The following ZNF843 variants were observed in gnomAD, a reference collection of about 807,000 sequenced individuals.
ZNF843 encodes the protein zinc finger protein 843.
For synonymous variants in ZNF843, 185 were observed against 207.7 expected, an observed-to-expected ratio of 0.89 and a Z score of 0.94; for missense variants, 482 against 469.4, an observed-to-expected ratio of 1.03 and a Z score of -0.25.
At chr16:31,441,667 TTAGTG>T (rs1597182097) in intron 1 of ZNF843, among the ~76,000 whole-genome samples, 1 of 151,556 alleles carries the variant, frequency 6.6e-6, no homozygotes, top group Admixed American at 6.6e-5. Context: ...TTTTAAATAA[TTAGTG>T]TAGACAGGAT....
At chr16:31,437,791 A>T (rs977700337) in intron 1 of ZNF843, among the ~76,000 whole-genome samples, 5 of 149,694 alleles carry the variant, frequency 3.3e-5, no homozygotes, top group African/African-American at 4.9e-5. Context: ...TTGCCGGCTA[A>T]TTTTTTTTTG....
intron 1 of ZNF843, among the ~76,000 whole-genome samples, chr16:31,442,175 A>G (rs113634117): frequency 0.23 from 34,669 of 152,208 alleles, 4,302 homozygotes; most frequent in South Asian, 0.33. Context: ...CCTCCTGATA[A>G]CACCGACGTG....
chr16:31,435,621 A>G lies in ZNF843; in HGVS notation c.*182T>C. The G allele has an allele frequency of 1.8e-6, 1 of 571,184 alleles. No homozygotes were observed. The highest frequency in any genetic ancestry group is 2.8e-6 in the Non-Finnish European group (1 of 351,562). The allele number at this position is 571,184 out of a possible 1,614,324, so 35.4% of individuals were successfully genotyped here. Reference sequence around the variant, plus strand: ...GCCTAAATCCCTTAATGTATAAGGGAAAGGAGCGAGAATTCAGGGGAAAAA... The same window carrying G: ...GCCTAAATCCCTTAATGTATAAGGGGAAGGAGCGAGAATTCAGGGGAAAAA... On this transcript the variant is annotated 3_prime_UTR_variant, in exon 2 of 2. Coordinates refer to ENST00000315678, the MANE Select transcript of ZNF843 (RefSeq NM_001136509.3).
In ZNF843 at chr16:31,437,031, G is replaced by T; in HGVS notation, c.-182C>A. 1 of 601,844 alleles carries T rather than the reference G, an allele frequency of 1.7e-6. No individual in the cohort carries two copies. The highest frequency in any genetic ancestry group is 3.0e-6 in the Non-Finnish European group (1 of 336,570). The allele number at this position is 601,844 out of a possible 1,614,324, so 37.3% of individuals were successfully genotyped here. A position where few individuals can be genotyped will look rare whatever the true frequency, so the allele number is the denominator to read the frequency against. ...GGAGAGTTCTCTAATGTAAGACGCT[G>T]GGCAATGTCATCTGAAGGTGTTTCT... On this transcript the variant is annotated 5_prime_UTR_variant, in exon 2 of 2. Coordinates refer to ENST00000315678, the MANE Select transcript of ZNF843 (RefSeq NM_001136509.3).
intron 1 of ZNF843, among the ~76,000 whole-genome samples, chr16:31,442,427 T>G (rs188103018): frequency 0.019 from 2,934 of 152,198 alleles, 94 homozygotes; most frequent in African/African-American, 0.067. Context: ...TTCAAGCGAT[T>G]CTCCTGCCTC....
At chr16:31,442,459 C>T (rs1272834420) in intron 1 of ZNF843, among the ~76,000 whole-genome samples, 177 bp downstream of exon 1, 2 of 152,084 alleles carry the variant, frequency 1.3e-5, no homozygotes, top group African/African-American at 2.4e-5. Context: ...TAGCTGGGAC[C>T]ACAGGCGTCC....
chr16:31,439,089 A>AT (rs2082193010), intron 1 of ZNF843, among the ~76,000 whole-genome samples: 1 of 152,114 alleles, frequency 6.6e-6, no homozygotes, highest in Admixed American at 6.5e-5. Flanking sequence ...AACATGGCAC[A>AT]TGTATACATA....
rs990888683 is a variant in ZNF843, at chr16:31,435,733, A to C, written c.*70T>G. 2.9e-6 allele frequency: 4 copies of C among 1,385,974 alleles called. No individual in the cohort carries two copies. The highest frequency in any genetic ancestry group is 3.8e-6 in the Non-Finnish European group (4 of 1,052,050). The allele number at this position is 1,385,974 out of a possible 1,614,324, so 85.9% of individuals were successfully genotyped here. A position where few individuals can be genotyped will look rare whatever the true frequency, so the allele number is the denominator to read the frequency against. Reference sequence around the variant, plus strand: ...GAGCGGGTCTGTGTGGAGGGAGGGGACTGCATCTCAGATCCACAGTCCACC... The same window carrying C: ...GAGCGGGTCTGTGTGGAGGGAGGGGCCTGCATCTCAGATCCACAGTCCACC... On this transcript the variant is annotated 3_prime_UTR_variant, in exon 2 of 2. Transcript: ENST00000315678.
intron 1 of ZNF843, among the ~76,000 whole-genome samples, chr16:31,438,388 A>G (rs2082190516): frequency 6.6e-6 from 1 of 152,218 alleles, no homozygotes; most frequent in Admixed American, 6.5e-5. Flanking sequence ...AAAGTAGCCA[A>G]GAGTAGAGTT....
chr16:31,438,174 C>T (rs2082189870), intron 1 of ZNF843, among the ~76,000 whole-genome samples: 1 of 152,104 alleles, frequency 6.6e-6, no homozygotes, highest in Non-Finnish European at 1.5e-5. Flanking sequence ...TGGTAAGGAT[C>T]ATTTCCTCAT....
In ZNF843 at chr16:31,435,755, C is replaced by A; in HGVS notation, c.*48G>T. 1 of 1,433,488 alleles carries A rather than the reference C, an allele frequency of 7.0e-7. No homozygotes were observed. The highest frequency in any genetic ancestry group is 1.5e-5 in the South Asian group (1 of 66,292). 88.8% of individuals were successfully genotyped at this position (1,433,488 alleles called of 1,614,324 possible). On this transcript the variant is annotated 3_prime_UTR_variant, in exon 2 of 2. Transcript: ENST00000315678. ...GGGACTGCATCTCAGATCCACAGTC[C>A]ACCGGCGGCTGCAACAATTCCACCC...
chr16:31,436,216 A>G lies in ZNF843; in HGVS notation c.634T>C (p.Ser212Pro). Residue 212 changes from serine (S) to proline (P), a missense_variant, in exon 2 of 2, where the codon TCC becomes CCC. By Grantham distance (74) the Ser-to-Pro change is moderately conservative (BLOSUM62 -1). Coordinates refer to ENST00000315678, the MANE Select transcript of ZNF843 (RefSeq NM_001136509.3). ...AAGGGAGGTCGGGGCAGGAGTGTGG[A>G]TGGGGGCAGATGTTGAAGGAAGGAC... ...PGSFLQHLPPSTLLPRPPFLY... is the reference protein window; with the variant it reads ...PGSFLQHLPPPTLLPRPPFLY... 1 of 1,537,192 alleles carries G rather than the reference A, an allele frequency of 6.5e-7. No homozygotes were observed. The highest frequency in any genetic ancestry group is 8.8e-7 in the Non-Finnish European group (1 of 1,139,398).
chr16:31,442,943 C>G (rs895248646), upstream of ZNF843: 1 of 152,480 alleles, frequency 6.6e-6, no homozygotes, highest in Non-Finnish European at 1.5e-5. Flanking sequence ...CGCTCCGTAT[C>G]CAGCCCGCCC....
At chr16:31,439,549 A>G (rs79411291) in intron 1 of ZNF843, among the ~76,000 whole-genome samples, 4,809 of 152,348 alleles carry the variant, frequency 0.032, 109 homozygotes, top group Middle Eastern at 0.048. Flanking sequence ...ACAGAATACT[A>G]GCAACAAAGA....
At position 31,437,047 on chromosome 16, in the gene ZNF843, A is replaced by C. The variant is rs780577679; in HGVS notation, c.-198T>G. On this transcript the variant is annotated 5_prime_UTR_variant, in exon 2 of 2. Transcript: ENST00000315678. Reference sequence around the variant, plus strand: ...TAAGACGCTGGGCAATGTCATCTGAAGGTGTTTCTTGAGGCTCTCGGGCAT... The same window carrying C: ...TAAGACGCTGGGCAATGTCATCTGACGGTGTTTCTTGAGGCTCTCGGGCAT... 40 of 581,672 alleles carry C rather than the reference A, an allele frequency of 6.9e-5. No individual in the cohort carries two copies. The highest frequency in any genetic ancestry group is 1.1e-4 in the Non-Finnish European group (36 of 323,772). The allele number at this position is 581,672 out of a possible 1,614,324, so 36.0% of individuals were successfully genotyped here.
At chr16:31,438,608 T>C (rs1213339629) in intron 1 of ZNF843, among the ~76,000 whole-genome samples, 1 of 152,126 alleles carries the variant, frequency 6.6e-6, no homozygotes, top group Non-Finnish European at 1.5e-5. Flanking sequence ...TCTCAGCGGA[T>C]ACTTGGCTCT....
In ZNF843 at chr16:31,436,142, GCC is replaced by G; in HGVS notation, c.706_707del (p.Gly236ProfsTer54). The G allele has an allele frequency of 6.5e-7, 1 of 1,548,008 alleles. No homozygotes were observed. The highest frequency in any genetic ancestry group is 8.7e-7 in the Non-Finnish European group (1 of 1,145,286). ...PLSLQPLVPS[G>X]LPAVPAVPLG... is the part of the protein sequence containing the mutation. The stretch of plus-strand genomic sequence containing the variant: ...GAGGCACTGCAGGCACTGCGGGAAG[GCC>G]GGATGGAACCAGAGGCTGGAGACTG... On this transcript the variant is annotated frameshift_variant, in exon 2 of 2. Transcript: ENST00000315678. LOFTEE classifies it low-confidence loss of function (END_TRUNC).
At position 31,436,144 on chromosome 16, in the gene ZNF843, CG is replaced by C. The variant is rs765076360; in HGVS notation, c.705del (p.Gly236AlafsTer179). On this transcript the variant is annotated frameshift_variant, in exon 2 of 2. Transcript: ENST00000315678. LOFTEE classifies it low-confidence loss of function (END_TRUNC). ...PPLSLQPLVP[S>X]GLPAVPAVPL... ...GGCACTGCAGGCACTGCGGGAAGGC[CG>C]GATGGAACCAGAGGCTGGAGACTGA... 14 of 1,547,102 alleles carry C rather than the reference CG, an allele frequency of 9.0e-6. No individual in the cohort carries two copies. The highest frequency in any genetic ancestry group is 1.2e-5 in the Non-Finnish European group (14 of 1,144,852).
rs1268277320 is a variant in ZNF843, at chr16:31,436,928, C to T, written c.-79G>A. ...CGCACTTGGCGCAGCTGTGGGGCCT[C>T]TGCCGCACTCAGGCTTCCCGTGGCC... is the stretch of plus-strand genomic sequence containing the variant. On this transcript the variant is annotated 5_prime_UTR_variant, in exon 2 of 2. Transcript: ENST00000315678. 3 of 1,344,524 alleles carry T rather than the reference C, an allele frequency of 2.2e-6. No homozygotes were observed. Among genetic ancestry groups the T allele is most frequent in the East Asian group, 2.5e-5 (1 of 39,366 alleles). 83.3% of individuals were successfully genotyped at this position (1,344,524 alleles called of 1,614,324 possible). A position where few individuals can be genotyped will look rare whatever the true frequency, so the allele number is the denominator to read the frequency against.
Sources: allele counts gnomAD v4.1 joint callset (sites outside exome capture counted in the v4.1 genomes callset), GRCh38; gene constraint gnomAD v4.1.1; transcripts MANE v1.5; gene names NCBI Gene and HGNC (gene_info 2026-07-23, HGNC 2026-07-21).